UNC5C: variants seen among roughly 807,000 people sequenced by gnomAD.
The protein encoded by UNC5C is unc-5 netrin receptor C, also known as netrin receptor UNC5C.
In UNC5C, 47 loss-of-function variants were observed where a neutral mutation model predicts 99.8. That is an observed-to-expected ratio of 0.47 (90% CI 0.37 to 0.60). UNC5C has a LOEUF of 0.60. UNC5C is among the 20% of genes least tolerant of loss of function. The pLI is 0.00. For synonymous variants in UNC5C, 487 were observed against 452.2 expected (o/e 1.08, Z -0.98); for missense variants, 1,062 against 1,165.9 (o/e 0.91, Z 1.30).
chr4:95,517,523 T>C (rs914157637), intron 1 of UNC5C, among the ~76,000 whole-genome samples: 3 of 152,176 alleles, frequency 2.0e-5, no homozygotes, highest in Admixed American at 6.5e-5. Flanking sequence ...GATAATCTTA[T>C]TGAAATGCTC....
chr4:95,498,139 G>A (rs1324833707), intron 1 of UNC5C, among the ~76,000 whole-genome samples: 1 of 151,908 alleles, frequency 6.6e-6, no homozygotes, highest in Non-Finnish European at 1.5e-5. Flanking sequence ...CATCTATCAT[G>A]GACCCCGAAA....
rs1721877621 is a variant in UNC5C at position 95,505,012 on chromosome 4, C to G, written c.124+43722G>C. Among the ~76,000 whole-genome samples the G allele has an allele frequency of 2.0e-5, 3 of 152,018 alleles. No individual in the cohort carries two copies. The South Asian group carries it at 6.2e-4, about 32-fold the overall frequency. The stretch of plus-strand genomic sequence containing the variant: ...ACTTACGCTTATTTACCCAAGTATT[C>G]CAATAATCTCTTACTAAATAAAAAT... On this transcript the variant is annotated intron_variant, in intron 1 of 15. Transcript: ENST00000453304.
intron 1 of UNC5C, among the ~76,000 whole-genome samples, chr4:95,454,660 A>G (rs1747379440): frequency 6.6e-6 from 1 of 152,022 alleles, no homozygotes; most frequent in Non-Finnish European, 1.5e-5. Flanking sequence ...TACACTGAGG[A>G]AGAGGTAGAT....
At chr4:95,457,101 A>G (rs971068936) in intron 1 of UNC5C, among the ~76,000 whole-genome samples, 4 of 152,234 alleles carry the variant, frequency 2.6e-5, no homozygotes, top group African/African-American at 9.6e-5. Context: ...CAATACCTTT[A>G]CCTATATGTT....
intron 3 of UNC5C, 129 bp downstream of exon 3, chr4:95,301,477 G>C: frequency 7.7e-7 from 1 of 1,301,368 alleles, no homozygotes; most frequent in Non-Finnish European, 1.1e-6. Context: ...TTACAGGCGT[G>C]AGTCACCGCG....
intron 1 of UNC5C, among the ~76,000 whole-genome samples, chr4:95,527,140 C>A (rs2149491844): frequency 6.6e-6 from 1 of 152,176 alleles, no homozygotes; most frequent in South Asian, 2.1e-4. Context: ...GATCCTCAAA[C>A]AAGTTACTTT....
At chr4:95,331,347 G>C (rs891993036) in intron 2 of UNC5C, among the ~76,000 whole-genome samples, 1 of 152,068 alleles carries the variant, frequency 6.6e-6, no homozygotes, top group Non-Finnish European at 1.5e-5. Context: ...TAGTGGTATT[G>C]CTGGATTAAA....
intron 10 of UNC5C, among the ~76,000 whole-genome samples, chr4:95,215,299 A>T (rs1234325854): frequency 6.6e-6 from 1 of 152,212 alleles, no homozygotes; most frequent in African/African-American, 2.4e-5. Context: ...AACAATGATA[A>T]TTACATGATG....
chr4:95,172,416 A>G (rs1485140053), intron 14 of UNC5C, among the ~76,000 whole-genome samples: 1 of 152,016 alleles, frequency 6.6e-6, no homozygotes, highest in African/African-American at 2.4e-5. Context: ...TGATTTTTGT[A>G]TAAGGTGTAA....
At chr4:95,477,286 C>T (rs1438857782) in intron 1 of UNC5C, among the ~76,000 whole-genome samples, 2 of 151,830 alleles carry the variant, frequency 1.3e-5, no homozygotes, top group Non-Finnish European at 2.9e-5. Flanking sequence ...TAAGATTACA[C>T]GGTGAGGGTT....
At chr4:95,247,308 C>T (rs1739538434) in intron 5 of UNC5C, among the ~76,000 whole-genome samples, 1 of 151,836 alleles carries the variant, frequency 6.6e-6, no homozygotes, top group Non-Finnish European at 1.5e-5. Context: ...GAGGCTTGGA[C>T]AAGTTATTTT....
chr4:95,377,773 C>T (rs1744939449), intron 1 of UNC5C, among the ~76,000 whole-genome samples: 1 of 152,020 alleles, frequency 6.6e-6, no homozygotes, highest in Non-Finnish European at 1.5e-5. Context: ...TGTGTTCACG[C>T]CCTACAGTTA....
intron 1 of UNC5C, among the ~76,000 whole-genome samples, chr4:95,396,146 T>A (rs1255214504): frequency 2.0e-5 from 3 of 152,182 alleles, no homozygotes; most frequent in African/African-American, 7.2e-5. Context: ...CTTTAGCAAC[T>A]TCAGAAGCTA....
chr4:95,387,658 C>T (rs1459767145), intron 1 of UNC5C, among the ~76,000 whole-genome samples: 1 of 152,184 alleles, frequency 6.6e-6, no homozygotes, highest in Non-Finnish European at 1.5e-5. Context: ...TCTATGACTG[C>T]TGTCCCATGA....
At chr4:95,432,347 T>C (rs1454707772) in intron 1 of UNC5C, among the ~76,000 whole-genome samples, 3 of 152,136 alleles carry the variant, frequency 2.0e-5, no homozygotes, top group African/African-American at 7.2e-5. Flanking sequence ...ACATGAAGAA[T>C]AAAAATAAGT....
chr4:95,442,901 A>G (rs1746993464), intron 1 of UNC5C, among the ~76,000 whole-genome samples: 1 of 152,060 alleles, frequency 6.6e-6, no homozygotes, highest in Admixed American at 6.6e-5. Flanking sequence ...TTCTTGTATT[A>G]TTTATCATAA....
intron 1 of UNC5C, among the ~76,000 whole-genome samples, chr4:95,441,648 A>G (rs1315978049): frequency 6.6e-6 from 1 of 152,156 alleles, no homozygotes; most frequent in Non-Finnish European, 1.5e-5. Context: ...TATGTAATAC[A>G]TATATATACA....
intron 7 of UNC5C, chr4:95,222,297 G>T: frequency 7.5e-7 from 1 of 1,340,732 alleles, no homozygotes; most frequent in Non-Finnish European, 9.9e-7. Flanking sequence ...AAACAAAAAT[G>T]GGAACAAAAT....
At chr4:95,353,252 G>A (rs1183023106) in intron 1 of UNC5C, among the ~76,000 whole-genome samples, 1 of 151,966 alleles carries the variant, frequency 6.6e-6, no homozygotes, top group Non-Finnish European at 1.5e-5. Flanking sequence ...ACCTAAGCGG[G>A]TTCTAAAACT....
Sources: gnomAD v4.1 joint callset for allele counts (sites outside exome capture counted in the v4.1 genomes callset) on GRCh38, gnomAD v4.1.1 for gene constraint, MANE v1.5 for transcripts, NCBI Gene and HGNC (gene_info 2026-07-23, HGNC 2026-07-21) for gene names.